The following TAFA1 variants were observed in gnomAD, a reference collection of about 807,000 sequenced individuals.
The protein encoded by TAFA1 is TAFA chemokine like family member 1, also known as chemokine-like protein TAFA-1.
In TAFA1, 4 loss-of-function variants were observed where a neutral mutation model predicts 18.5. That is an observed-to-expected ratio of 0.22 (90% CI 0.11 to 0.49). The LOEUF (loss-of-function observed/expected upper bound fraction) is 0.49, where lower values mean the gene tolerates loss of function less well. Ranked by LOEUF, TAFA1 falls within the 20% of genes least tolerant of loss-of-function variation. The probability of loss-of-function intolerance (pLI) is 0.98; values close to 1 mark genes in which losing one functional copy is unlikely to be tolerated. For missense variants in TAFA1, 147 were observed against 169.0 expected (o/e 0.87, Z 0.72); for synonymous variants, 56 against 55.2 (o/e 1.01, Z -0.06).
At chr3:68,422,304 A>T (rs1433626436) in intron 3 of TAFA1, among the ~76,000 whole-genome samples, 1 of 152,060 alleles carries the variant, frequency 6.6e-6, no homozygotes, top group Non-Finnish European at 1.5e-5. Context: ...GCATTTACAG[A>T]GTTTCTTGCA....
At chr3:68,284,024 G>A (rs911169994) in intron 2 of TAFA1, among the ~76,000 whole-genome samples, 1 of 152,164 alleles carries the variant, frequency 6.6e-6, no homozygotes. Context: ...GATGTTATCT[G>A]CAGCTGACCA....
intron 3 of TAFA1, among the ~76,000 whole-genome samples, chr3:68,434,291 G>A (rs990442246): frequency 6.6e-6 from 1 of 152,078 alleles, no homozygotes; most frequent in African/African-American, 2.4e-5. Context: ...ACTGTTCCGA[G>A]GAAGGCTCAA....
intron 2 of TAFA1, among the ~76,000 whole-genome samples, chr3:68,228,870 A>G (rs551331755): frequency 6.6e-6 from 1 of 152,326 alleles, no homozygotes; most frequent in South Asian, 2.1e-4. Flanking sequence ...TTGCTCAAAT[A>G]CTTAAGGTTA....
chr3:68,495,242 T>G (rs2072524173), intron 3 of TAFA1, among the ~76,000 whole-genome samples: 1 of 152,334 alleles, frequency 6.6e-6, no homozygotes, highest in Non-Finnish European at 1.5e-5. Context: ...CCTGTAGCAC[T>G]TACTATTGAA....
At chr3:68,260,399 C>CT (rs564866193) in intron 2 of TAFA1, among the ~76,000 whole-genome samples, 1 of 151,984 alleles carries the variant, frequency 6.6e-6, no homozygotes, top group African/African-American at 2.4e-5. Flanking sequence ...CTAAAATTCT[C>CT]TTTTTTGGTT....
At chr3:68,267,213 C>T (rs532566714) in intron 2 of TAFA1, among the ~76,000 whole-genome samples, 113 of 152,172 alleles carry the variant, frequency 7.4e-4, no homozygotes, top group Non-Finnish European at 1.5e-3. Flanking sequence ...GGACATACAT[C>T]AAAACATCAC....
intron 2 of TAFA1, among the ~76,000 whole-genome samples, chr3:68,104,545 A>T (rs1400719902): frequency 2.0e-5 from 3 of 152,112 alleles, no homozygotes; most frequent in African/African-American, 7.2e-5. Context: ...ATTACATTCA[A>T]ATGAATTTTC....
At chr3:68,361,686 C>T (rs2069471600) in intron 2 of TAFA1, among the ~76,000 whole-genome samples, 1 of 151,094 alleles carries the variant, frequency 6.6e-6, no homozygotes, top group South Asian at 2.1e-4. Context: ...TGTAACCCAA[C>T]AGAACTGGGT....
At chr3:68,082,279 CG>C (rs1329626894) in intron 2 of TAFA1, among the ~76,000 whole-genome samples, 13 of 152,194 alleles carry the variant, frequency 8.5e-5, no homozygotes, top group Non-Finnish European at 1.8e-4. Context: ...TCTTGTGCGT[CG>C]CTCACGCTGG....
chr3:68,305,151 A>G (rs553101126), intron 2 of TAFA1, among the ~76,000 whole-genome samples: 1 of 151,126 alleles, frequency 6.6e-6, no homozygotes, highest in African/African-American at 2.4e-5. Context: ...AGCTTCACCA[A>G]TCCTCATTAT....
At chr3:68,466,555 A>C (rs981380234) in intron 3 of TAFA1, among the ~76,000 whole-genome samples, 1 of 152,176 alleles carries the variant, frequency 6.6e-6, no homozygotes. Context: ...GTCCTGTATG[A>C]ACATCCCTTG....
intron 2 of TAFA1, among the ~76,000 whole-genome samples, chr3:68,138,007 T>A (rs1486879496): frequency 6.6e-6 from 1 of 150,762 alleles, no homozygotes; most frequent in Non-Finnish European, 1.5e-5. Flanking sequence ...GTGGATTCAA[T>A]GAGTAGATAT....
chr3:68,263,017 C>A (rs1165222895), intron 2 of TAFA1, among the ~76,000 whole-genome samples: 2 of 152,108 alleles, frequency 1.3e-5, no homozygotes, highest in African/African-American at 4.8e-5. Flanking sequence ...ACAGTCACCC[C>A]TGATAGAACA....
chr3:68,015,892 A>T (rs1704560334), intron 2 of TAFA1, among the ~76,000 whole-genome samples: 1 of 152,196 alleles, frequency 6.6e-6, no homozygotes, highest in South Asian at 2.1e-4. Context: ...TGTTTACTGA[A>T]CTTCCTTAAT....
At chr3:68,190,595 G>C (rs2066325026) in intron 2 of TAFA1, among the ~76,000 whole-genome samples, 1 of 151,738 alleles carries the variant, frequency 6.6e-6, no homozygotes, top group Non-Finnish European at 1.5e-5. Context: ...TTTTTGCTCT[G>C]TGTCAGTGGG....
chr3:68,482,929 CT>C (rs2072265443), intron 3 of TAFA1, among the ~76,000 whole-genome samples: 1 of 152,216 alleles, frequency 6.6e-6, no homozygotes, highest in Admixed American at 6.5e-5. Context: ...AAAGTTAGTC[CT>C]GTCCCTGGAC....
intron 2 of TAFA1, among the ~76,000 whole-genome samples, chr3:68,143,152 A>G (rs1017619919): frequency 2.0e-5 from 3 of 152,200 alleles, no homozygotes; most frequent in African/African-American, 4.8e-5. Flanking sequence ...GATGACTTAA[A>G]GTTTTAGATA....
At chr3:68,020,852 G>A (rs774710584) in intron 2 of TAFA1, among the ~76,000 whole-genome samples, 4 of 152,030 alleles carry the variant, frequency 2.6e-5, no homozygotes, top group African/African-American at 7.2e-5. Context: ...AAAGTACATT[G>A]TGTACGTAAT....
intron 2 of TAFA1, among the ~76,000 whole-genome samples, chr3:68,039,278 G>A (rs1268065692): frequency 1.3e-5 from 2 of 151,964 alleles, no homozygotes; most frequent in Non-Finnish European, 2.9e-5. Context: ...ATTAATATTA[G>A]CAATTATGCA....
Sources: allele counts gnomAD v4.1 joint callset (sites outside exome capture counted in the v4.1 genomes callset), GRCh38; gene constraint gnomAD v4.1.1; transcripts MANE v1.5; gene names NCBI Gene and HGNC (gene_info 2026-07-23, HGNC 2026-07-21).